RIMS1: variants seen among roughly 807,000 people sequenced by gnomAD.
RIMS1 encodes regulating synaptic membrane exocytosis 1.
A neutral mutation model predicts 214.1 loss-of-function variants in RIMS1; 83 were observed. The observed-to-expected ratio is 0.39, with a 90% CI of 0.32 to 0.47. The LOEUF (loss-of-function observed/expected upper bound fraction) is 0.47, where lower values mean the gene tolerates loss of function less well. Ranked by LOEUF, RIMS1 falls within the 20% of genes least tolerant of loss-of-function variation. RIMS1 has a pLI of 0.99. For missense variants in RIMS1, 2,050 were observed against 2,161.8 expected, an observed-to-expected ratio of 0.95 and a Z score of 1.03; for synonymous variants, 793 against 786.8, an observed-to-expected ratio of 1.01 and a Z score of -0.13.
chr6:71,985,385 G>C (rs187679176), intron 2 of RIMS1, among the ~76,000 whole-genome samples: 1 of 151,982 alleles, frequency 6.6e-6, no homozygotes, highest in Non-Finnish European at 1.5e-5. Context: ...GTGACACCCT[G>C]TCTAAAATAA....
Position 72,097,826 on chromosome 6 carries a change from C to T in RIMS1, c.459+664C>T, listed in dbSNP as rs554683244. Among the ~76,000 whole-genome samples the T allele has an allele frequency of 6.6e-5, 10 of 152,078 alleles. No individual in the cohort carries two copies. In the South Asian group the frequency reaches 1.9e-3, roughly 29 times the overall value. On this transcript the variant is annotated intron_variant, in intron 3 of 33. Coordinates refer to ENST00000521978, the MANE Select transcript of RIMS1 (RefSeq NM_014989.7). ...CTTTAAATAAATGCAATTTTTGAAG[C>T]GTTAAGATGCTAATATGATAGGAAC... is the stretch of plus-strand genomic sequence containing the variant.
chr6:72,005,661 A>G (rs1807228437), intron 2 of RIMS1, among the ~76,000 whole-genome samples: 2 of 152,318 alleles, frequency 1.3e-5, no homozygotes, highest in Middle Eastern at 3.4e-3. Flanking sequence ...CTGGAATTCA[A>G]AGGCCTGTTG....
chr6:72,302,040 C>T (rs1357298032), intron 26 of RIMS1, among the ~76,000 whole-genome samples: 1 of 151,550 alleles, frequency 6.6e-6, no homozygotes, highest in Non-Finnish European at 1.5e-5. Flanking sequence ...TATTGAAATA[C>T]TATAGAATCA....
At chr6:72,043,154 GCACA>G (rs61574291) in intron 2 of RIMS1, among the ~76,000 whole-genome samples, 19 of 148,176 alleles carry the variant, frequency 1.3e-4, no homozygotes, top group Admixed American at 3.4e-4. Flanking sequence ...GAACTTGCAT[GCACA>G]CACACACACA....
intron 4 of RIMS1, among the ~76,000 whole-genome samples, chr6:72,179,051 G>T (rs937153657): frequency 6.6e-6 from 1 of 152,050 alleles, no homozygotes; most frequent in Non-Finnish European, 1.5e-5. Flanking sequence ...CCTTTTTTGT[G>T]TGCTTACTTT....
Position 72,182,793 on chromosome 6 carries a change from C to T in RIMS1, c.1322C>T (p.Ala441Val), listed in dbSNP as rs1416528920. 1.9e-6 allele frequency: 3 copies of T among 1,546,812 alleles called. No individual in the cohort carries two copies. Among genetic ancestry groups the T allele is most frequent in the African/African-American group, 2.7e-5 (2 of 73,156 alleles). The change falls in exon 6 of 34, where the codon GCC becomes GTC. Residue 441 changes from alanine (A) to valine (V), a missense_variant. By Grantham distance (64) the Ala-to-Val change is moderately conservative (BLOSUM62 0). Around this residue, in one of 6 missense-constraint regions of RIMS1, gnomAD observed 882 missense variants for 828.9 expected, o/e 1.06. Coordinates refer to ENST00000521978, the MANE Select transcript of RIMS1 (RefSeq NM_014989.7). ...ERTAETRAPG[A>V]KQLTNHSPPA... ...ACTGCGGAGACCAGGGCGCCGGGCG[C>T]CAAGCAGCTAACGAACCACAGCCCG...
intron 2 of RIMS1, among the ~76,000 whole-genome samples, chr6:72,035,780 A>G (rs1819464289): frequency 6.6e-6 from 1 of 152,162 alleles, no homozygotes; most frequent in Non-Finnish European, 1.5e-5. Flanking sequence ...GGTTTATACC[A>G]GCAAAGTTTG....
chr6:71,890,917 A>G (rs1769640008), intron 1 of RIMS1, among the ~76,000 whole-genome samples: 1 of 152,218 alleles, frequency 6.6e-6, no homozygotes, highest in Non-Finnish European at 1.5e-5. Context: ...ACTGACTCAC[A>G]TAACATGGTC....
intron 2 of RIMS1, among the ~76,000 whole-genome samples, chr6:71,993,390 C>T (rs1802472621): frequency 6.6e-6 from 1 of 152,192 alleles, no homozygotes; most frequent in South Asian, 2.1e-4. Flanking sequence ...TGTTTGTTCT[C>T]ATGCCCAAAG....
intron 4 of RIMS1, among the ~76,000 whole-genome samples, chr6:72,159,651 T>C (rs1257423486): frequency 7.1e-6 from 1 of 140,892 alleles, no homozygotes; most frequent in Non-Finnish European, 1.6e-5. Flanking sequence ...TAGGGAATCC[T>C]TTCCCCATTG....
chr6:72,221,320 G>T (rs2058351727), intron 6 of RIMS1, among the ~76,000 whole-genome samples: 1 of 151,080 alleles, frequency 6.6e-6, no homozygotes, highest in African/African-American at 2.4e-5. Flanking sequence ...GTGTGTGTGT[G>T]TGATTTTTTT....
Position 72,237,936 on chromosome 6 carries a change from T to G in RIMS1, c.1957+14T>G. 6.4e-7 allele frequency: 1 copy of G among 1,573,868 alleles called. No individual in the cohort carries two copies. The highest frequency in any genetic ancestry group is 8.7e-7 in the Non-Finnish European group (1 of 1,151,770). ...ACCTAAGAGCAGGTAAAGTTTCTTT[T>G]TTTAATATTTAAACAGTGTGTTCTC... On this transcript the variant is annotated intron_variant, in intron 9 of 33. Coordinates refer to ENST00000521978, the MANE Select transcript of RIMS1 (RefSeq NM_014989.7).
At chr6:72,259,185 A>G (rs9442761) in intron 18 of RIMS1, 74 bp downstream of exon 18, 1 of 1,229,508 alleles carries the variant, frequency 8.1e-7, no homozygotes, top group South Asian at 1.5e-5. Context: ...ATTGTGGCAT[A>G]GCACATTAGA....
Position 72,234,545 on chromosome 6 carries a change from A to C in RIMS1, c.1746+705A>C, listed in dbSNP as rs558089264. ...TGTGGTCCATTTGTTACAACTGATG[A>C]GCCAATATTGATGTATTATTATTAT... On this transcript the variant is annotated intron_variant, in intron 7 of 33. Transcript: ENST00000521978. Among the ~76,000 whole-genome samples the C allele has an allele frequency of 3.9e-5, 6 of 152,148 alleles. No homozygotes were observed. In the East Asian group the frequency reaches 1.2e-3, roughly 29 times the overall value.
chr6:72,077,229 G>A lies in RIMS1; in HGVS notation c.246-19720G>A, dbSNP rs183252234. On this transcript the variant is annotated intron_variant, in intron 2 of 33. Transcript: ENST00000521978. Reference sequence around the variant, plus strand: ...CCATGTCCTACCCCTAGCCAGGGGCGTGTCTGTATGTTTCTCTCTTTTATT... The same window carrying A: ...CCATGTCCTACCCCTAGCCAGGGGCATGTCTGTATGTTTCTCTCTTTTATT... Among the ~76,000 whole-genome samples the A allele has an allele frequency of 2.7e-3, 409 of 152,300 alleles. 1 individual carries two copies. The highest frequency in any genetic ancestry group is 8.2e-3 in the African/African-American group (340 of 41,578).
intron 2 of RIMS1, among the ~76,000 whole-genome samples, chr6:71,974,135 G>A (rs1355702531): frequency 6.6e-6 from 1 of 152,172 alleles, no homozygotes; most frequent in Non-Finnish European, 1.5e-5. Flanking sequence ...ACAGGGAGGA[G>A]GCAGAGAACT....
At chr6:72,159,798 A>T (rs529194391) in intron 4 of RIMS1, among the ~76,000 whole-genome samples, 8,805 of 138,848 alleles carry the variant, frequency 0.063, 1,770 homozygotes, top group Middle Eastern at 0.11. Context: ...TGTAGCCTTG[A>T]AGTATAGTTT....
In RIMS1 at chr6:71,886,890, C is replaced by T. The variant is rs1257999404; in HGVS notation, c.-134C>T. 8 of 967,342 alleles carry T rather than the reference C, an allele frequency of 8.3e-6. No individual in the cohort carries two copies. The highest frequency in any genetic ancestry group is 2.8e-4 in the Middle Eastern group (1 of 3,566). The allele number at this position is 967,342 out of a possible 1,614,324, so 59.9% of individuals were successfully genotyped here. On this transcript the variant is annotated 5_prime_UTR_variant, in exon 1 of 34. Coordinates refer to ENST00000521978, the MANE Select transcript of RIMS1 (RefSeq NM_014989.7). ...GCTCTGCTGCTGCTGCTGCTGCCGC[C>T]GCCGCCGCTGCTCCTCCTCCTGCCG...
At chr6:72,326,479 G>A (rs2096469997) in intron 28 of RIMS1, among the ~76,000 whole-genome samples, 1 of 151,600 alleles carries the variant, frequency 6.6e-6, no homozygotes, top group African/African-American at 2.4e-5. Flanking sequence ...ATGCTTTAAT[G>A]TTATTTTATT....
Sources: gnomAD v4.1 joint callset for allele counts (sites outside exome capture counted in the v4.1 genomes callset) on GRCh38, gnomAD v4.1.1 for gene constraint, gnomAD v4.1.1 regional missense constraint, MANE v1.5 for transcripts, NCBI Gene and HGNC (gene_info 2026-07-23, HGNC 2026-07-21) for gene names.